ANKRD44: variants seen among roughly 807,000 people sequenced by gnomAD.
ANKRD44 encodes serine/threonine-protein phosphatase 6 regulatory ankyrin repeat subunit B.
Under a neutral mutation model 116.0 loss-of-function variants are expected in ANKRD44, and 35 were observed. That is an observed-to-expected ratio of 0.30 (90% CI 0.23 to 0.40). The LOEUF (loss-of-function observed/expected upper bound fraction) is 0.40. Ranked by LOEUF, ANKRD44 falls within the 10% of genes least tolerant of loss-of-function variation. The pLI is 1.00. For missense variants in ANKRD44, 1,014 were observed against 1,242.6 expected, an observed-to-expected ratio of 0.82 and a Z score of 2.77; for synonymous variants, 435 against 461.8, an observed-to-expected ratio of 0.94 and a Z score of 0.74.
chr2:197,000,304 A>G (rs2076091438), intron 23 of ANKRD44, 115 bp downstream of exon 23: 1 of 798,678 alleles, frequency 1.3e-6, no homozygotes, highest in African/African-American at 1.7e-5. Context: ...AATATTAAAA[A>G]CCATGCTTAT....
At chr2:197,229,145 G>A (rs776580292) in intron 1 of ANKRD44, among the ~76,000 whole-genome samples, 25 of 152,308 alleles carry the variant, frequency 1.6e-4, no homozygotes, top group Non-Finnish European at 2.8e-4. Context: ...AAACACAGGA[G>A]GAAAGAATCA....
At chr2:197,090,069 G>T in intron 10 of ANKRD44, 37 bp from the exon 11 acceptor site, 1 of 1,488,410 alleles carries the variant, frequency 6.7e-7, no homozygotes, top group Non-Finnish European at 9.4e-7. Flanking sequence ...CACGGCAACA[G>T]ATCTCAAGAT....
intron 16 of ANKRD44, among the ~76,000 whole-genome samples, chr2:197,050,667 C>A (rs1336871997): frequency 1.3e-5 from 2 of 152,134 alleles, no homozygotes; most frequent in African/African-American, 4.8e-5. Flanking sequence ...AAGTGATCCA[C>A]CCACCTTGGC....
chr2:197,011,122 A>G (rs1196365460), intron 18 of ANKRD44, among the ~76,000 whole-genome samples: 1 of 152,238 alleles, frequency 6.6e-6, no homozygotes, highest in African/African-American at 2.4e-5. Context: ...ATTACACTAA[A>G]TCTGCTACCA....
Position 197,100,007 on chromosome 2 carries a change from G to GT in ANKRD44, c.986-78dup. ...GTCCTATGTTCTCTGCTAGTCTCTCGTATCAACCAAATGTTGATTTCTTTC... is the reference window on the plus strand; with the variant it reads ...GTCCTATGTTCTCTGCTAGTCTCTCGTTATCAACCAAATGTTGATTTCTTTC... On this transcript the variant is annotated intron_variant, in intron 9 of 27. Transcript: ENST00000282272. 4.7e-6 allele frequency: 6 copies of GT among 1,280,922 alleles called. 1 individual carries two copies. In the South Asian group the frequency reaches 7.7e-5, roughly 16 times the overall value. The allele number at this position is 1,280,922 out of a possible 1,614,324, so 79.3% of individuals were successfully genotyped here. A position where few individuals can be genotyped will look rare whatever the true frequency, so the allele number is the denominator to read the frequency against.
chr2:197,132,780 T>C (rs2079122868), intron 4 of ANKRD44, among the ~76,000 whole-genome samples: 1 of 152,054 alleles, frequency 6.6e-6, no homozygotes, highest in African/African-American at 2.4e-5. Context: ...GAAAACCCAG[T>C]CTTTAATGAA....
At chr2:197,157,818 G>A (rs2079859759) in intron 2 of ANKRD44, among the ~76,000 whole-genome samples, 1 of 152,144 alleles carries the variant, frequency 6.6e-6, no homozygotes, top group African/African-American at 2.4e-5. Flanking sequence ...AGTACAAGTG[G>A]GAAGGTAAAT....
chr2:196,977,734 TA>T (rs1325844888), intron 21 of ANKRD44, among the ~76,000 whole-genome samples: 6 of 152,284 alleles, frequency 3.9e-5, no homozygotes, highest in Non-Finnish European at 8.8e-5. Context: ...TTGGAACTCT[TA>T]TACATTGCTG....
intron 16 of ANKRD44, among the ~76,000 whole-genome samples, chr2:197,042,289 T>A (rs1282406062): frequency 6.6e-6 from 1 of 152,152 alleles, no homozygotes; most frequent in Admixed American, 6.5e-5. Flanking sequence ...AATCTAGCCT[T>A]CTTGGATTCA....
chr2:197,143,018 T>C (rs2079405798), intron 3 of ANKRD44, among the ~76,000 whole-genome samples: 1 of 150,692 alleles, frequency 6.6e-6, no homozygotes, highest in Admixed American at 6.6e-5. Context: ...ATTTAAAAAA[T>C]AAATTCTAAT....
intron 16 of ANKRD44, among the ~76,000 whole-genome samples, chr2:197,069,720 A>T (rs1348166732): frequency 6.6e-6 from 1 of 152,120 alleles, no homozygotes; most frequent in Non-Finnish European, 1.5e-5. Context: ...CTTTTTCAGA[A>T]TTGTGTTAGC....
In ANKRD44 at chr2:197,205,211, A is replaced by G. The variant is rs563398467; in HGVS notation, c.28-18105T>C. ...AAGCATCCCCTTTGGGTATATACCCAGTAATAGTATTGCTGGGTCAAATGT... is the reference window on the plus strand; with the variant it reads ...AAGCATCCCCTTTGGGTATATACCCGGTAATAGTATTGCTGGGTCAAATGT... On this transcript the variant is annotated intron_variant, in intron 1 of 27. Coordinates refer to ENST00000282272, the MANE Select transcript of ANKRD44 (RefSeq NM_001195144.2). Among the ~76,000 whole-genome samples the G allele has an allele frequency of 6.6e-5, 10 of 152,348 alleles. 1 individual carries two copies. In the South Asian group the frequency reaches 2.1e-3, roughly 32 times the overall value.
At chr2:197,109,634 T>C (rs1434799670) in intron 9 of ANKRD44, among the ~76,000 whole-genome samples, 2 of 152,304 alleles carry the variant, frequency 1.3e-5, no homozygotes, top group Non-Finnish European at 2.9e-5. Context: ...GAAATTCTTA[T>C]AGATGAGAAA....
intron 10 of ANKRD44, among the ~76,000 whole-genome samples, chr2:197,092,672 TGGA>T (rs2125188815): frequency 6.6e-6 from 1 of 152,328 alleles, no homozygotes; most frequent in South Asian, 2.1e-4. Flanking sequence ...CAGCATCATG[TGGA>T]GGAGAACTGC....
intron 9 of ANKRD44, among the ~76,000 whole-genome samples, chr2:197,104,600 T>G (rs2078381466): frequency 6.6e-6 from 1 of 152,190 alleles, no homozygotes; most frequent in Non-Finnish European, 1.5e-5. Context: ...GGCATTATCT[T>G]CCAGGCCAGG....
chr2:196,976,659 G>T (rs1452308533), intron 21 of ANKRD44, among the ~76,000 whole-genome samples: 1 of 152,054 alleles, frequency 6.6e-6, no homozygotes, highest in Non-Finnish European at 1.5e-5. Context: ...TTGAGCCCAG[G>T]AGTTAAGATC....
At chr2:196,971,160 C>T (rs2075713122) in intron 21 of ANKRD44, among the ~76,000 whole-genome samples, 1 of 151,984 alleles carries the variant, frequency 6.6e-6, no homozygotes, top group Non-Finnish European at 1.5e-5. Flanking sequence ...ACAACTTTAC[C>T]ATTCCTTATA....
chr2:197,172,120 C>G (rs913296103), intron 2 of ANKRD44, among the ~76,000 whole-genome samples: 2 of 151,344 alleles, frequency 1.3e-5, no homozygotes, highest in African/African-American at 2.4e-5. Context: ...CCTGCCTCAG[C>G]CTTCCAAATA....
chr2:197,064,688 G>T (rs4850413), intron 16 of ANKRD44, among the ~76,000 whole-genome samples: 93,525 of 151,912 alleles, frequency 0.62, 31,705 homozygotes, highest in East Asian at 0.85. Flanking sequence ...AACCAACAAA[G>T]ATCAAAAGAG....
Sources: allele counts gnomAD v4.1 joint callset (sites outside exome capture counted in the v4.1 genomes callset), GRCh38; gene constraint gnomAD v4.1.1; transcripts MANE v1.5; gene names NCBI Gene and HGNC (gene_info 2026-07-23, HGNC 2026-07-21).